Variants in FER observed in about 807,000 individuals in gnomAD.
FER encodes tyrosine-protein kinase Fer.
FER carries 63 observed loss-of-function variants against 111.0 expected under a neutral mutation model. The observed-to-expected ratio is 0.57, with a 90% CI of 0.46 to 0.70. The LOEUF (loss-of-function observed/expected upper bound fraction) is 0.70, where lower values mean the gene tolerates loss of function less well. Ranked by LOEUF, FER falls within the 30% of genes least tolerant of loss-of-function variation. The probability of loss-of-function intolerance (pLI) is 0.00; values close to 1 mark genes in which losing one functional copy is unlikely to be tolerated. For synonymous variants in FER, 327 were observed against 313.9 expected (o/e 1.04, Z -0.44); for missense variants, 914 against 954.0 (o/e 0.96, Z 0.55).
intron 13 of FER, among the ~76,000 whole-genome samples, chr5:109,015,880 A>G (rs1307829114): frequency 2.0e-5 from 3 of 151,598 alleles, no homozygotes; most frequent in Middle Eastern, 3.4e-3. Context: ...TCCCCTCCAT[A>G]CTCCGAAGAA....
At chr5:108,887,740 T>G (rs1043431641) in intron 9 of FER, among the ~76,000 whole-genome samples, 3 of 151,798 alleles carry the variant, frequency 2.0e-5, no homozygotes, top group African/African-American at 7.2e-5. Context: ...CTTCACTCAT[T>G]ACTTCTAAAG....
chr5:109,008,745 C>T (rs767159826), intron 13 of FER, among the ~76,000 whole-genome samples: 1 of 152,130 alleles, frequency 6.6e-6, no homozygotes, highest in Non-Finnish European at 1.5e-5. Context: ...TTTTGGGAGG[C>T]CGAGGCGGGC....
chr5:108,972,502 T>G (rs1026839133), intron 13 of FER, among the ~76,000 whole-genome samples: 1 of 152,220 alleles, frequency 6.6e-6, no homozygotes, highest in African/African-American at 2.4e-5. Flanking sequence ...GTCTTCTTCC[T>G]CAGCTTACAT....
At chr5:108,975,331 T>C (rs1043081254) in intron 13 of FER, among the ~76,000 whole-genome samples, 1 of 152,064 alleles carries the variant, frequency 6.6e-6, no homozygotes, top group African/African-American at 2.4e-5. Flanking sequence ...GATGGGTCAA[T>C]AGGTGCAGCG....
At chr5:108,796,359 A>T (rs1055715950) in intron 2 of FER, among the ~76,000 whole-genome samples, 1 of 152,164 alleles carries the variant, frequency 6.6e-6, no homozygotes, top group Non-Finnish European at 1.5e-5. Context: ...CCCAAGGCCC[A>T]CTGTAATTGC....
chr5:109,165,775 A>C (rs1756493433), intron 17 of FER, among the ~76,000 whole-genome samples: 5 of 152,176 alleles, frequency 3.3e-5, no homozygotes, highest in Admixed American at 3.3e-4. Flanking sequence ...TCCCATGTTC[A>C]TTCTATGGTG....
intron 18 of FER, among the ~76,000 whole-genome samples, chr5:109,183,323 A>G (rs1758492092): frequency 7.2e-6 from 1 of 139,440 alleles, no homozygotes; most frequent in Admixed American, 7.9e-5. Flanking sequence ...ATCTAGGCTC[A>G]CGGCAACCTC....
At chr5:109,161,410 C>G (rs575960165) in intron 17 of FER, among the ~76,000 whole-genome samples, 5 of 152,148 alleles carry the variant, frequency 3.3e-5, no homozygotes, top group Admixed American at 2.0e-4. Flanking sequence ...TCCTGACCCT[C>G]TCCCTCCTCC....
rs534440748 is a variant in FER at position 108,807,332 on chromosome 5, T to G, written c.207+8943T>G. ...TCAGCAGTGTGAAAACAGACTAATA[T>G]ATTCCTGATTCAATCTTGAGAAGTT... On this transcript the variant is annotated intron_variant, in intron 3 of 19. Coordinates refer to ENST00000281092, the MANE Select transcript of FER (RefSeq NM_005246.4). Among the ~76,000 whole-genome samples, 56 of 152,344 alleles carry G rather than the reference T, an allele frequency of 3.7e-4. No homozygotes were observed. The Middle Eastern group carries it at 0.01, about 28-fold the overall frequency.
At chr5:109,013,101 T>C (rs1766522040) in intron 13 of FER, among the ~76,000 whole-genome samples, 1 of 151,822 alleles carries the variant, frequency 6.6e-6, no homozygotes, top group African/African-American at 2.4e-5. Flanking sequence ...TATTATACTT[T>C]AAGTTTTAGG....
intron 16 of FER, among the ~76,000 whole-genome samples, chr5:109,077,105 A>C (rs539974754): frequency 1.2e-4 from 18 of 152,320 alleles, no homozygotes; most frequent in African/African-American, 2.6e-4. Context: ...CTTTAATATC[A>C]GCTATATTAT....
At chr5:108,861,385 ATGT>A (rs1313457707) in intron 5 of FER, among the ~76,000 whole-genome samples, 1 of 152,164 alleles carries the variant, frequency 6.6e-6, no homozygotes, top group Non-Finnish European at 1.5e-5. Flanking sequence ...ATGGCATGAT[ATGT>A]TGTTTATGCA....
In FER at chr5:109,004,576, A is replaced by G. The variant is rs528314142; in HGVS notation, c.1657-32846A>G. ...ATTAATGTCATGGTAATATGCTTAC[A>G]AAATATCCTTCTAATTGAACAGACA... On this transcript the variant is annotated intron_variant, in intron 13 of 19. Coordinates refer to ENST00000281092, the MANE Select transcript of FER (RefSeq NM_005246.4). Among the ~76,000 whole-genome samples, 354 of 152,354 alleles carry G rather than the reference A, an allele frequency of 2.3e-3. 3 individuals are homozygous for G. Among genetic ancestry groups the G allele is most frequent in the African/African-American group, 8.1e-3 (335 of 41,596 alleles).
At chr5:109,016,550 A>G (rs902950148) in intron 13 of FER, among the ~76,000 whole-genome samples, 5 of 152,044 alleles carry the variant, frequency 3.3e-5, no homozygotes, top group Non-Finnish European at 7.4e-5. Context: ...TGTGTCTCTG[A>G]TGATATCAGA....
At chr5:108,797,991 T>C in intron 2 of FER, 133 bp from the exon 3 acceptor site, 1 of 508,726 alleles carries the variant, frequency 2.0e-6, no homozygotes, top group Non-Finnish European at 3.5e-6. Flanking sequence ...ATCTTGTTTC[T>C]GATCTTTGGA....
chr5:108,772,316 G>GTATTTATATATATATATACACATATA (rs1381336042), intron 2 of FER, among the ~76,000 whole-genome samples: 2 of 140,350 alleles, frequency 1.4e-5, no homozygotes, highest in Admixed American at 7.0e-5. Flanking sequence ...ATATATATAT[G>GTATTTATATATATATATACACATATA]TATGTATATA....
intron 16 of FER, among the ~76,000 whole-genome samples, chr5:109,060,257 G>A (rs1774215541): frequency 6.6e-6 from 1 of 151,874 alleles, no homozygotes; most frequent in South Asian, 2.1e-4. Context: ...CAATAAGCTG[G>A]GTAGAATTTA....
chr5:109,062,225 G>T (rs1178595769), intron 16 of FER, among the ~76,000 whole-genome samples: 1 of 152,118 alleles, frequency 6.6e-6, no homozygotes, highest in African/African-American at 2.4e-5. Flanking sequence ...TGAGTTAAAA[G>T]AATATTTCTA....
intron 8 of FER, among the ~76,000 whole-genome samples, chr5:108,873,938 A>G (rs1282412604): frequency 1.3e-5 from 2 of 152,204 alleles, no homozygotes; most frequent in Non-Finnish European, 2.9e-5. Flanking sequence ...GAGTTTCTCA[A>G]TTCCTGTGCA....
Sources: allele counts gnomAD v4.1 joint callset (sites outside exome capture counted in the v4.1 genomes callset), GRCh38; gene constraint gnomAD v4.1.1; transcripts MANE v1.5; gene names NCBI Gene and HGNC (gene_info 2026-07-23, HGNC 2026-07-21).